Variants in KCNB2 observed in about 807,000 individuals in gnomAD.
KCNB2 encodes the protein delayed rectifier potassium channel protein.
KCNB2 carries 15 observed loss-of-function variants against 61.5 expected under a neutral mutation model. The observed-to-expected ratio is 0.24, with a 90% CI of 0.16 to 0.38. The LOEUF is 0.38. KCNB2 is among the 10% of genes least tolerant of loss of function. The pLI is 1.00. For missense variants in KCNB2, 828 were observed against 1,125.2 expected (o/e 0.74, Z 3.78); for synonymous variants, 457 against 446.0 (o/e 1.02, Z -0.31).
chr8:72,717,440 G>A (rs1402727487), intron 2 of KCNB2, among the ~76,000 whole-genome samples: 4 of 140,020 alleles, frequency 2.9e-5, no homozygotes, highest in African/African-American at 1.2e-4. Flanking sequence ...AACCAAAACA[G>A]CATGGTACTG....
chr8:72,685,630 G>A (rs1806837803), intron 2 of KCNB2, among the ~76,000 whole-genome samples: 2 of 152,130 alleles, frequency 1.3e-5, no homozygotes, highest in African/African-American at 4.8e-5. Context: ...TTGAAGCTAA[G>A]ACCTGAAGAT....
At chr8:72,608,624 G>T (rs1805490955) in intron 2 of KCNB2, among the ~76,000 whole-genome samples, 1 of 152,084 alleles carries the variant, frequency 6.6e-6, no homozygotes, top group Non-Finnish European at 1.5e-5. Flanking sequence ...GCTAGCCTCG[G>T]GGTACCACCA....
In KCNB2 at chr8:72,937,946, G is replaced by A; in HGVS notation, c.2591G>A (p.Arg864Lys). 1.9e-6 allele frequency: 3 copies of A among 1,614,114 alleles called. No homozygotes were observed. Among genetic ancestry groups the A allele is most frequent in the Non-Finnish European group, 2.5e-6 (3 of 1,180,016 alleles). Residue 864 changes from arginine (R) to lysine (K), a missense_variant, in exon 3 of 3, where the codon AGG (arginine) becomes AAG (lysine). Physicochemically the swap from Arg to Lys is conservative, Grantham distance 26. Coordinates refer to ENST00000523207, the MANE Select transcript of KCNB2 (RefSeq NM_004770.3). ...CCGCAGGACACAGGTCACAACTGTA[G>A]GCAAGACATTTACCATGCTGTGAGT... ...SSPQDTGHNC[R>K]QDIYHAVSEV...
chr8:72,848,888 T>C (rs1810044683), intron 2 of KCNB2, among the ~76,000 whole-genome samples: 2 of 152,014 alleles, frequency 1.3e-5, no homozygotes, highest in South Asian at 4.1e-4. Context: ...TTACAAGCTA[T>C]TGGAAATGTT....
At chr8:72,548,942 C>T (rs753922150) in intron 1 of KCNB2, among the ~76,000 whole-genome samples, 15 of 152,152 alleles carry the variant, frequency 9.9e-5, no homozygotes, top group African/African-American at 1.7e-4. Context: ...GTCACTTTGT[C>T]GAACTGGGAG....
At chr8:72,677,027 A>C (rs1806665946) in intron 2 of KCNB2, among the ~76,000 whole-genome samples, 1 of 152,192 alleles carries the variant, frequency 6.6e-6, no homozygotes, top group Non-Finnish European at 1.5e-5. Context: ...TTTAAGGTAA[A>C]ATTAGGTCAT....
rs140396929 is a variant in KCNB2, at chr8:72,641,317, A to G, written c.579+73004A>G. 2.0e-5 allele frequency among the ~76,000 whole-genome samples: 3 copies of G among 152,160 alleles called. No homozygotes were observed. In the East Asian group the frequency reaches 5.8e-4, roughly 29 times the overall value. ...CATTTTACAAAGCACCTCACAATAT[A>G]CTTATTTTTTCTGTCACTATCCAGG... On this transcript the variant is annotated intron_variant, in intron 2 of 2. Transcript: ENST00000523207.
At chr8:72,931,623 G>A (rs1806786804) in intron 2 of KCNB2, among the ~76,000 whole-genome samples, 1 of 152,162 alleles carries the variant, frequency 6.6e-6, no homozygotes, top group Non-Finnish European at 1.5e-5. Flanking sequence ...GTATAAGAAT[G>A]CTTGTGATTT....
intron 2 of KCNB2, among the ~76,000 whole-genome samples, chr8:72,823,254 T>C (rs1809540821): frequency 6.6e-6 from 1 of 152,092 alleles, no homozygotes; most frequent in Non-Finnish European, 1.5e-5. Flanking sequence ...CCACCATGAG[T>C]CATGCTGTGC....
chr8:72,808,672 A>C (rs192206186), intron 2 of KCNB2, among the ~76,000 whole-genome samples: 1 of 152,336 alleles, frequency 6.6e-6, no homozygotes, highest in Non-Finnish European at 1.5e-5. Context: ...ATTGAGGATT[A>C]GATCATTTAG....
intron 2 of KCNB2, among the ~76,000 whole-genome samples, chr8:72,633,940 A>G (rs555767282): frequency 6.6e-5 from 10 of 152,200 alleles, no homozygotes; most frequent in Non-Finnish European, 1.3e-4. Context: ...TTGGTTGCCC[A>G]TCTTCTTTCT....
chr8:72,625,491 C>T lies in KCNB2; in HGVS notation c.579+57178C>T, dbSNP rs952866022. Among the ~76,000 whole-genome samples the T allele has an allele frequency of 2.6e-5, 4 of 152,006 alleles. No individual in the cohort carries two copies. In the South Asian group the frequency reaches 6.2e-4, roughly 24 times the overall value. On this transcript the variant is annotated intron_variant, in intron 2 of 2. Coordinates refer to ENST00000523207, the MANE Select transcript of KCNB2 (RefSeq NM_004770.3). Reference sequence around the variant, plus strand: ...TGTCACCCAGGCTGGAGTGCAGTGGCGCAATCACAGCTCACAGCAGCCTTG... The same window carrying T: ...TGTCACCCAGGCTGGAGTGCAGTGGTGCAATCACAGCTCACAGCAGCCTTG...
At chr8:72,541,095 AAATT>A (rs1208966572) in intron 1 of KCNB2, among the ~76,000 whole-genome samples, 5 of 151,912 alleles carry the variant, frequency 3.3e-5, no homozygotes, top group Non-Finnish European at 5.9e-5. Flanking sequence ...TATACTTAGC[AAATT>A]AATTAAGACA....
In KCNB2 at chr8:72,585,038, C is replaced by T. The variant is rs900774338; in HGVS notation, c.579+16725C>T. On this transcript the variant is annotated intron_variant, in intron 2 of 2. Coordinates refer to ENST00000523207, the MANE Select transcript of KCNB2 (RefSeq NM_004770.3). ...ATGTACCCACCTCTCGTGCCATAGG[C>T]TGCTCGTCTCTAAGGTAGGGTGGTC... Among the ~76,000 whole-genome samples, 9 of 152,168 alleles carry T rather than the reference C, an allele frequency of 5.9e-5. No individual in the cohort carries two copies. In the East Asian group the frequency reaches 1.7e-3, roughly 29 times the overall value.
At chr8:72,612,450 T>C (rs1805556216) in intron 2 of KCNB2, among the ~76,000 whole-genome samples, 1 of 152,256 alleles carries the variant, frequency 6.6e-6, no homozygotes, top group Admixed American at 6.5e-5. Context: ...CAGATATTGC[T>C]TCCAGTTCTT....
At chr8:72,593,867 C>T (rs192066388) in intron 2 of KCNB2, among the ~76,000 whole-genome samples, 1 of 152,160 alleles carries the variant, frequency 6.6e-6, no homozygotes, top group East Asian at 1.9e-4. Flanking sequence ...AATGACTTTG[C>T]TCTGTTTATT....
At chr8:72,701,036 G>A (rs74639020) in intron 2 of KCNB2, among the ~76,000 whole-genome samples, 313 of 152,224 alleles carry the variant, frequency 2.1e-3, no homozygotes, top group Middle Eastern at 6.8e-3. Context: ...GGGTACCCAT[G>A]AACGTAAAGA....
At chr8:72,807,317 A>G (rs1242442630) in intron 2 of KCNB2, among the ~76,000 whole-genome samples, 1 of 152,224 alleles carries the variant, frequency 6.6e-6, no homozygotes, top group Non-Finnish European at 1.5e-5. Context: ...AAGCCAATAC[A>G]AGCAAGCTGT....
intron 2 of KCNB2, among the ~76,000 whole-genome samples, chr8:72,656,520 A>G (rs889549042): frequency 7.9e-5 from 12 of 152,136 alleles, no homozygotes; most frequent in African/African-American, 2.9e-4. Flanking sequence ...TGTAATGTTA[A>G]CTCATCCAAA....
Sources: allele counts gnomAD v4.1 joint callset (sites outside exome capture counted in the v4.1 genomes callset), GRCh38; gene constraint gnomAD v4.1.1; transcripts MANE v1.5; gene names NCBI Gene and HGNC (gene_info 2026-07-23, HGNC 2026-07-21).